TYSND1: variants seen among roughly 807,000 people sequenced by gnomAD.
The protein encoded by TYSND1 is trypsin like peroxisomal matrix peptidase 1.
Under a neutral mutation model 37.2 loss-of-function variants are expected in TYSND1, and 30 were observed. That is an observed-to-expected ratio of 0.81 (90% CI 0.60 to 1.09). TYSND1 has a LOEUF of 1.09. Among genes scored for constraint, TYSND1 ranks in the 50% least tolerant of loss-of-function variants. TYSND1 has a pLI of 0.00. For missense variants in TYSND1, 806 were observed against 817.4 expected (o/e 0.99, Z 0.17); for synonymous variants, 364 against 383.8 (o/e 0.95, Z 0.60).
In TYSND1 at chr10:70,142,673, A is replaced by T. The variant is rs769434414; in HGVS notation, c.1478T>A (p.Leu493His). 86 of 1,578,736 alleles carry T rather than the reference A, an allele frequency of 5.4e-5. 1 individual carries two copies. In the East Asian group the frequency reaches 1.9e-3, roughly 35 times the overall value. ...GPLFSNHSGN[L>H]LGIITSNTRD... ...GGGGCCAAAGAGCTGGTTACCAAGG[A>T]GGTTTCCTGAGTGGTTGGAGAAGAG... The change falls in exon 3 of 4, where the codon CTC (leucine) becomes CAC (histidine). Residue 493 changes from leucine (L) to histidine (H), a missense_variant. Leu to His is a moderately conservative substitution (Grantham distance 99, BLOSUM62 -3). Transcript: ENST00000287078.
chr10:70,146,134 G>C lies in TYSND1; in HGVS notation c.453C>G (p.Phe151Leu). ...PAFWAHFARL[F>L]GDEAAEQWRF... is the part of the protein sequence containing the mutation. The stretch of plus-strand genomic sequence containing the variant: ...GCCACTGTTCCGCTGCCTCGTCCCC[G>C]AAGAGGCGCGCGAAGTGGGCCCAGA... The change falls in exon 1 of 4, where the codon TTC becomes TTG. Residue 151 changes from phenylalanine (F) to leucine (L), a missense_variant. Physicochemically the swap from Phe to Leu is conservative, Grantham distance 22. This residue lies in a region of TYSND1 where 708 missense variants were observed against 705.4 expected (regional missense o/e 1.00). Transcript: ENST00000287078. 1.9e-6 allele frequency: 3 copies of C among 1,556,482 alleles called. No individual in the cohort carries two copies. Among genetic ancestry groups the C allele is most frequent in the Non-Finnish European group, 2.6e-6 (3 of 1,152,298 alleles).
At chr10:70,140,517 ATG>A (rs2072750760) in intron 3 of TYSND1, among the ~76,000 whole-genome samples, 1 of 11,162 alleles carries the variant, frequency 9.0e-5, no homozygotes, top group Admixed American at 1.2e-3. Flanking sequence ...GAATGAATGA[ATG>A]AATGAATGAA....
At chr10:70,141,099 C>T (rs1431573411) in intron 3 of TYSND1, among the ~76,000 whole-genome samples, 4 of 150,966 alleles carry the variant, frequency 2.6e-5, no homozygotes, top group Admixed American at 6.6e-5. Flanking sequence ...ATTCTCCCGC[C>T]TCAGCCTCCC....
At chr10:70,140,259 C>A in intron 3 of TYSND1, 118 bp from the exon 4 acceptor site, 1 of 764,552 alleles carries the variant, frequency 1.3e-6, no homozygotes. Context: ...GGATACCACC[C>A]CACGTGGTGA....
intron 3 of TYSND1, 43 bp from the exon 4 acceptor site, chr10:70,140,184 G>A (rs889611524): frequency 2.6e-6 from 4 of 1,524,488 alleles, no homozygotes; most frequent in Middle Eastern, 1.8e-4. Context: ...GAGCCAGGGG[G>A]CAGAAAGGCT....
chr10:70,143,812 C>A, intron 2 of TYSND1, 30 bp downstream of exon 2: 1 of 1,613,002 alleles, frequency 6.2e-7, no homozygotes, highest in African/African-American at 1.3e-5. Context: ...CAGAGGGGCC[C>A]TCCTTCAGGC....
At chr10:70,142,557 CCCA>C (rs2072796626) in intron 3 of TYSND1, 108 bp downstream of exon 3, 1 of 1,047,832 alleles carries the variant, frequency 9.5e-7, no homozygotes, top group African/African-American at 1.6e-5. Context: ...ACTCATAATG[CCCA>C]CCATTTTCCC....
At chr10:70,141,038 GC>G (rs914639973) in intron 3 of TYSND1, among the ~76,000 whole-genome samples, 1 of 151,654 alleles carries the variant, frequency 6.6e-6, no homozygotes, top group Non-Finnish European at 1.5e-5. Flanking sequence ...ATGCTAGAGT[GC>G]AGTGGTGGGA....
At chr10:70,144,868 G>C in intron 1 of TYSND1, 1 of 871,662 alleles carries the variant, frequency 1.1e-6, no homozygotes. Flanking sequence ...AGGCTGGGCT[G>C]AACCATGTAC....
At chr10:70,144,876 T>A in intron 1 of TYSND1, 3 of 770,178 alleles carry the variant, frequency 3.9e-6, no homozygotes, top group Non-Finnish European at 4.7e-6. Flanking sequence ...CTGAACCATG[T>A]ACAGCTGCGT....
chr10:70,141,741 A>T (rs184650873), intron 3 of TYSND1, among the ~76,000 whole-genome samples: 4,880 of 151,870 alleles, frequency 0.032, 108 homozygotes, highest in East Asian at 0.058. Flanking sequence ...ATTAAAAAAA[A>T]TTTTTTTAAA....
chr10:70,142,523 C>G, intron 3 of TYSND1, 145 bp downstream of exon 3: 1 of 728,922 alleles, frequency 1.4e-6, no homozygotes, highest in South Asian at 1.9e-5. Context: ...ATCAGGAGAA[C>G]AGCCTGCAAA....
Position 70,139,052 on chromosome 10 carries a change from G to C in TYSND1, c.*872C>G, listed in dbSNP as rs959684526. On this transcript the variant is annotated 3_prime_UTR_variant, in exon 4 of 4. Coordinates refer to ENST00000287078, the MANE Select transcript of TYSND1 (RefSeq NM_173555.4). ...TTTGAGGCTGCAGTGAGCTGTGATC[G>C]CAACACTGCACTCCAGCCTGGGTGA... 1 of 145,824 alleles carries C rather than the reference G, an allele frequency of 6.9e-6. No homozygotes were observed. The highest frequency in any genetic ancestry group is 2.6e-5 in the African/African-American group (1 of 38,946). 9.0% of individuals were successfully genotyped at this position (145,824 alleles called of 1,614,324 possible). A position where few individuals can be genotyped will look rare whatever the true frequency, so the allele number is the denominator to read the frequency against.
At chr10:70,141,121 G>A (rs1438775485) in intron 3 of TYSND1, among the ~76,000 whole-genome samples, 4 of 150,894 alleles carry the variant, frequency 2.7e-5, no homozygotes, top group African/African-American at 9.7e-5. Flanking sequence ...AAAATATTTT[G>A]TAGAGATGGG....
chr10:70,142,484 T>TC (rs2072795225), intron 3 of TYSND1, among the ~76,000 whole-genome samples, 184 bp downstream of exon 3: 1 of 152,162 alleles, frequency 6.6e-6, no homozygotes, highest in East Asian at 1.9e-4. Flanking sequence ...ATCTCTTTCC[T>TC]CCCAGTCCAG....
Position 70,145,789 on chromosome 10 carries a change from C to G in TYSND1, c.798G>C (p.Val266=), listed in dbSNP as rs1839195253. 2.7e-6 allele frequency: 4 copies of G among 1,479,656 alleles called. No individual in the cohort carries two copies. In the African/African-American group the frequency reaches 5.9e-5, roughly 22 times the overall value. The allele number at this position is 1,479,656 out of a possible 1,614,324, so 91.7% of individuals were successfully genotyped here. A position where few individuals can be genotyped will look rare whatever the true frequency, so the allele number is the denominator to read the frequency against. Residue 266 remains valine (V), a synonymous_variant, in exon 1 of 4, where the codon GTG becomes GTC. Coordinates refer to ENST00000287078, the MANE Select transcript of TYSND1 (RefSeq NM_173555.4). ...GCGCCCCCGCGGGCCGCGCGGTGAA[C>G]ACGCCGCCGCCCTCGGTGCCGGGCA... ...RCLPGTEGGG[V]FTARPAGALV...
At position 70,145,595 on chromosome 10, in the gene TYSND1, G is replaced by A. The variant is rs1335745647; in HGVS notation, c.992C>T (p.Pro331Leu). The change falls in exon 1 of 4, where the codon CCG (proline) becomes CTG (leucine). Residue 331 changes from proline to leucine, a missense_variant. Physicochemically the swap from Pro to Leu is moderately conservative, Grantham distance 98 (BLOSUM62 -3). This residue lies in a region of TYSND1 where 708 missense variants were observed against 705.4 expected (regional missense o/e 1.00). Coordinates refer to ENST00000287078, the MANE Select transcript of TYSND1 (RefSeq NM_173555.4). ...GGAGTCTCGGAGGGGCAGACCCCACGGGACGCCCACCTCTGGCGGCAGAAG... is the reference window on the plus strand; with the variant it reads ...GGAGTCTCGGAGGGGCAGACCCCACAGGACGCCCACCTCTGGCGGCAGAAG... Reference protein sequence around the residue: ...AALLPPEVGVPWGLPLRDSGP... With the variant: ...AALLPPEVGVLWGLPLRDSGP... 6 of 1,452,036 alleles carry A rather than the reference G, an allele frequency of 4.1e-6. No homozygotes were observed. Among genetic ancestry groups the A allele is most frequent in the Non-Finnish European group, 5.4e-6 (6 of 1,106,928 alleles). The allele number at this position is 1,452,036 out of a possible 1,614,324, so 89.9% of individuals were successfully genotyped here.
chr10:70,145,718 C>G lies in TYSND1; in HGVS notation c.869G>C (p.Trp290Ser). 1 of 1,414,480 alleles carries G rather than the reference C, an allele frequency of 7.1e-7. No homozygotes were observed. Among genetic ancestry groups the G allele is most frequent in the Non-Finnish European group, 9.1e-7 (1 of 1,094,654 alleles). 87.6% of individuals were successfully genotyped at this position (1,414,480 alleles called of 1,614,324 possible). Residue 290 changes from tryptophan (W) to serine (S), a missense_variant, in exon 1 of 4, where the codon TGG becomes TCG. Around this residue, in one of 3 missense-constraint regions of TYSND1, gnomAD observed 708 missense variants for 705.4 expected, o/e 1.00. Coordinates refer to ENST00000287078, the MANE Select transcript of TYSND1 (RefSeq NM_173555.4). ...VAPLCWKAGE[W>S]VGFTLLCAAA... Reference sequence around the variant, plus strand: ...GGCGCAGAGCAGCGTGAAGCCCACCCATTCGCCGGCCTTCCAACAGAGCGG... The same window carrying G: ...GGCGCAGAGCAGCGTGAAGCCCACCGATTCGCCGGCCTTCCAACAGAGCGG...
In TYSND1 at chr10:70,145,457, TC is replaced by T; in HGVS notation, c.1129del (p.Glu377LysfsTer33). 6.8e-7 allele frequency: 1 copy of T among 1,474,020 alleles called. No individual in the cohort carries two copies. Among genetic ancestry groups the T allele is most frequent in the Non-Finnish European group, 9.0e-7 (1 of 1,114,382 alleles). 91.3% of individuals were successfully genotyped at this position (1,474,020 alleles called of 1,614,324 possible). A position where few individuals can be genotyped will look rare whatever the true frequency, so the allele number is the denominator to read the frequency against. ...VVTCRHVSPR[E>X]AARVLVRSTT... ...GGAGCGCACCAGGACCCTGGCTGCT[TC>T]CCGAGGGGACACGTGCCGACAGGTC... On this transcript the variant is annotated frameshift_variant, in exon 1 of 4. Coordinates refer to ENST00000287078, the MANE Select transcript of TYSND1 (RefSeq NM_173555.4). LOFTEE classifies it high-confidence loss of function.
Sources: allele counts gnomAD v4.1 joint callset (sites outside exome capture counted in the v4.1 genomes callset), GRCh38; gene constraint gnomAD v4.1.1; regional missense constraint gnomAD v4.1.1; transcripts MANE v1.5; gene names NCBI Gene and HGNC (gene_info 2026-07-23, HGNC 2026-07-21).